Variants in CEL observed in about 807,000 individuals in gnomAD.
CEL encodes carboxyl ester lipase.
In CEL, 39 loss-of-function variants were observed where a neutral mutation model predicts 57.1. That is an observed-to-expected ratio of 0.68 (90% CI 0.53 to 0.89). The LOEUF (loss-of-function observed/expected upper bound fraction) is 0.89. Among genes scored for constraint, CEL ranks in the 40% least tolerant of loss-of-function variants. The pLI is 0.00. For synonymous variants in CEL, 314 were observed against 396.6 expected (o/e 0.79, Z 2.48); for missense variants, 698 against 915.0 (o/e 0.76, Z 3.06).
rs952203449 is a variant in CEL, at chr9:133,066,114, C to T, written c.539-416C>T. Among the ~76,000 whole-genome samples, 4 of 152,146 alleles carry T rather than the reference C, an allele frequency of 2.6e-5. No individual in the cohort carries two copies. Among genetic ancestry groups the T allele is most frequent in the Non-Finnish European group, 5.9e-5 (4 of 68,034 alleles). The stretch of plus-strand genomic sequence containing the variant: ...GCTGAGTGAGAGACAGAGAACAATA[C>T]CTTGAGGCAGAGACAGCTGTGGACA... On this transcript the variant is annotated intron_variant, in intron 4 of 10. Coordinates refer to ENST00000372080, the MANE Select transcript of CEL (RefSeq NM_001807.6). This position sits in a 1 kb window ranked among gnomAD's most constrained non-coding sequence, Gnocchi z 4.3.
chr9:133,071,780 G>A lies in CEL; in HGVS notation c.*16G>A. ...TAGGTTTTAGCGTCCCATGAGCCTT[G>A]GTATCAAGAGGCCACAAGAGTGGGA... On this transcript the variant is annotated 3_prime_UTR_variant, in exon 11 of 11. Transcript: ENST00000372080. 5 of 1,610,328 alleles carry A rather than the reference G, an allele frequency of 3.1e-6. No individual in the cohort carries two copies. Among genetic ancestry groups the A allele is most frequent in the Non-Finnish European group, 4.2e-6 (5 of 1,177,868 alleles).
chr9:133,070,601 A>C lies in CEL; in HGVS notation c.1427A>C (p.Gln476Pro), dbSNP rs201074543. The C allele has an allele frequency of 8.1e-6, 13 of 1,606,706 alleles. No homozygotes were observed. The East Asian group carries it at 1.8e-4, about 22-fold the overall frequency. Reference protein sequence around the residue: ...PFATPTGYRPQDRTVSKAMIA... With the variant: ...PFATPTGYRPPDRTVSKAMIA... The stretch of plus-strand genomic sequence containing the variant: ...GCCACCCCCACGGGCTACCGGCCCC[A>C]AGACAGGACAGTCTCTAAGGCCATG... The change falls in exon 10 of 11, where the codon CAA becomes CCA. Residue 476 changes from glutamine to proline, a missense_variant. Gln to Pro is a moderately conservative substitution (Grantham distance 76, BLOSUM62 -1). Around this residue, in one of 6 missense-constraint regions of CEL, gnomAD observed 111 missense variants for 147.3 expected, o/e 0.75. Coordinates refer to ENST00000372080, the MANE Select transcript of CEL (RefSeq NM_001807.6).
chr9:133,066,663 C>T lies in CEL; in HGVS notation c.669+3C>T, dbSNP rs755657556. 3 of 1,612,846 alleles carry T rather than the reference C, an allele frequency of 1.9e-6. No homozygotes were observed. Among genetic ancestry groups the T allele is most frequent in the Admixed American group, 3.3e-5 (2 of 60,004 alleles). On this transcript the variant is annotated splice_donor_region_variant and intron_variant, in intron 5 of 10. Coordinates refer to ENST00000372080, the MANE Select transcript of CEL (RefSeq NM_001807.6). The surrounding 1 kb of genome is among the most constrained non-coding windows in gnomAD (Gnocchi z 4.3). Reference sequence around the variant, plus strand: ...GAGGTGCCAGCGTCTCTCTGCAGGTCTCGGGATCCCTGTGGGGAGGGCCTG... The same window carrying T: ...GAGGTGCCAGCGTCTCTCTGCAGGTTTCGGGATCCCTGTGGGGAGGGCCTG...
In CEL at chr9:133,064,447, A is replaced by G. The variant is rs755568297; in HGVS notation, c.110A>G (p.Asn37Ser). Residue 37 changes from asparagine (N) to serine (S), a missense_variant, in exon 2 of 11, where the codon AAT becomes AGT. By Grantham distance (46) the Asn-to-Ser change is conservative. This residue lies in a region of CEL where 327 missense variants were observed against 374.1 expected (regional missense o/e 0.87). Transcript: ENST00000372080. ...YTEGGFVEGVNKKLGLLGDSV... is the reference protein window; with the variant it reads ...YTEGGFVEGVSKKLGLLGDSV... ...GAAGGTGGGTTCGTGGAAGGCGTCA[A>G]TAAGAAGCTCGGCCTCCTGGGTGAC... 15 of 1,614,036 alleles carry G rather than the reference A, an allele frequency of 9.3e-6. No individual in the cohort carries two copies. Among genetic ancestry groups the G allele is most frequent in the African/African-American group, 1.3e-5 (1 of 74,912 alleles).
chr9:133,064,878 G>C, intron 3 of CEL, 116 bp downstream of exon 3: 2 of 1,564,428 alleles, frequency 1.3e-6, no homozygotes, highest in Non-Finnish European at 1.7e-6. Context: ...CCACAGAGGC[G>C]GGGAGGGGAG....
intron 9 of CEL, among the ~76,000 whole-genome samples, chr9:133,070,082 G>A (rs1470220838): frequency 6.6e-6 from 1 of 151,608 alleles, no homozygotes; most frequent in Non-Finnish European, 1.5e-5. Flanking sequence ...CAGCAACTAA[G>A]CAGTACATTT....
rs749571469 is a variant in CEL at position 133,067,212 on chromosome 9, A to G, written c.895+7A>G. ...CCGCTGGCAGGCCTGGAGTGTGAGT[A>G]GCTGCTCGGGTTGGCCCATGGGGTC... On this transcript the variant is annotated splice_region_variant and intron_variant, in intron 7 of 10. Transcript: ENST00000372080. 3.7e-6 allele frequency: 6 copies of G among 1,612,818 alleles called. No homozygotes were observed. The highest frequency in any genetic ancestry group is 4.2e-6 in the Non-Finnish European group (5 of 1,179,366).
At position 133,066,617 on chromosome 9, in the gene CEL, C is replaced by G; in HGVS notation, c.626C>G (p.Thr209Arg). The change falls in exon 5 of 11, where the codon ACG becomes AGG. Residue 209 changes from threonine (T) to arginine (R), a missense_variant. By Grantham distance (71) the Thr-to-Arg change is moderately conservative. Transcript: ENST00000372080. This position sits in a 1 kb window ranked among gnomAD's most constrained non-coding sequence, Gnocchi z 4.3. ...TTCGGGGGGGACCCCAACAACATCA[C>G]GCTCTTCGGGGAGTCTGCTGGAGGT... is the stretch of plus-strand genomic sequence containing the variant. ...AAFGGDPNNITLFGESAGGAS... is the reference protein window; with the variant it reads ...AAFGGDPNNIRLFGESAGGAS... The G allele has an allele frequency of 6.2e-7, 1 of 1,613,838 alleles. No individual in the cohort carries two copies. Among genetic ancestry groups the G allele is most frequent in the Non-Finnish European group, 8.5e-7 (1 of 1,180,018 alleles).
At position 133,067,279 on chromosome 9, in the gene CEL, G is replaced by A. The variant is rs1463707286; in HGVS notation, c.895+74G>A. 7.4e-5 allele frequency: 98 copies of A among 1,318,478 alleles called. No individual in the cohort carries two copies. In the South Asian group the frequency reaches 1.1e-3, roughly 15 times the overall value. 81.7% of individuals were successfully genotyped at this position (1,318,478 alleles called of 1,614,324 possible). A position where few individuals can be genotyped will look rare whatever the true frequency, so the allele number is the denominator to read the frequency against. On this transcript the variant is annotated intron_variant, in intron 7 of 10. Coordinates refer to ENST00000372080, the MANE Select transcript of CEL (RefSeq NM_001807.6). ...GGGGGGTACTGCCAGGGAGTACTCC[G>A]GAGGAGAGAGGAAGGTGCCAGAGCT...
At position 133,070,548 on chromosome 9, in the gene CEL, C is replaced by T. The variant is rs143261482; in HGVS notation, c.1374C>T (p.Asp458=). ...PKWVGADHAD[D]IQYVFGKPFA... ...GGGTGGGGGCCGACCATGCAGATGACATTCAGTACGTTTTCGGGAAGCCCT... is the reference window on the plus strand; with the variant it reads ...GGGTGGGGGCCGACCATGCAGATGATATTCAGTACGTTTTCGGGAAGCCCT... Residue 458 remains aspartate (D), a synonymous_variant, in exon 10 of 11, where the codon GAC becomes GAT. Coordinates refer to ENST00000372080, the MANE Select transcript of CEL (RefSeq NM_001807.6). The T allele has an allele frequency of 1.2e-6, 2 of 1,614,030 alleles. No homozygotes were observed. The highest frequency in any genetic ancestry group is 2.7e-5 in the African/African-American group (2 of 74,972).
chr9:133,064,925 G>A lies in CEL; in HGVS notation c.341-115G>A, dbSNP rs1196829552. 84 of 1,535,456 alleles carry A rather than the reference G, an allele frequency of 5.5e-5. No individual in the cohort carries two copies. The Middle Eastern group carries it at 6.5e-4, about 12-fold the overall frequency. ...GTTGCCCAGCCTGGGGCAGGGCAGC[G>A]CCTTGGAGCACCTCCCTGTCTTGGC... On this transcript the variant is annotated intron_variant, in intron 3 of 10. Coordinates refer to ENST00000372080, the MANE Select transcript of CEL (RefSeq NM_001807.6).
In CEL at chr9:133,064,711, G is replaced by A. The variant is rs1197239252; in HGVS notation, c.289G>A (p.Asp97Asn). Residue 97 changes from aspartate to asparagine, a missense_variant, in exon 3 of 11, where the codon GAT (aspartate) becomes AAT (asparagine). Coordinates refer to ENST00000372080, the MANE Select transcript of CEL (RefSeq NM_001807.6). Reference sequence around the variant, plus strand: ...CATCACCCAGGACAGCACCTACGGGGATGAAGACTGCCTGTACCTCAACAT... The same window carrying A: ...CATCACCCAGGACAGCACCTACGGGAATGAAGACTGCCTGTACCTCAACAT... The part of the protein sequence containing the change: ...ATITQDSTYG[D>N]EDCLYLNIWV... 6.2e-7 allele frequency: 1 copy of A among 1,614,144 alleles called. No individual in the cohort carries two copies. The highest frequency in any genetic ancestry group is 1.7e-5 in the Admixed American group (1 of 60,032).
intron 1 of CEL, among the ~76,000 whole-genome samples, chr9:133,063,957 C>T (rs1016117031): frequency 2.3e-4 from 35 of 152,280 alleles, no homozygotes; most frequent in African/African-American, 8.4e-4. Context: ...TGGTGTGAAA[C>T]ATCCCGGGTA....
intron 1 of CEL, among the ~76,000 whole-genome samples, chr9:133,063,727 G>A (rs555381754): frequency 6.2e-4 from 94 of 152,322 alleles, no homozygotes; most frequent in South Asian, 1.2e-3. Flanking sequence ...GGCCCCTCGT[G>A]GGGGTGGACA....
rs375187245 is a variant in CEL, at chr9:133,064,442, C to T, written c.105C>T (p.Gly35=). 5.7e-5 allele frequency: 92 copies of T among 1,614,008 alleles called. No homozygotes were observed. The highest frequency in any genetic ancestry group is 9.3e-5 in the African/African-American group (7 of 74,922). ...ACACAGAAGGTGGGTTCGTGGAAGG[C>T]GTCAATAAGAAGCTCGGCCTCCTGG... ...AVYTEGGFVE[G]VNKKLGLLGD... is the part of the protein sequence containing the mutation. Residue 35 remains glycine, a synonymous_variant, in exon 2 of 11, where the codon GGC becomes GGT. Transcript: ENST00000372080.
chr9:133,063,680 C>T (rs1481854643), intron 1 of CEL, among the ~76,000 whole-genome samples: 1 of 152,220 alleles, frequency 6.6e-6, no homozygotes, highest in Non-Finnish European at 1.5e-5. Flanking sequence ...AGCCTCAGTT[C>T]CGTCAGGGAC....
At position 133,066,378 on chromosome 9, in the gene CEL, G is replaced by A. The variant is rs1830178565; in HGVS notation, c.539-152G>A. 2 of 902,828 alleles carry A rather than the reference G, an allele frequency of 2.2e-6. No individual in the cohort carries two copies. The highest frequency in any genetic ancestry group is 3.3e-4 in the Middle Eastern group (1 of 3,012). 55.9% of individuals were successfully genotyped at this position (902,828 alleles called of 1,614,324 possible). On this transcript the variant is annotated intron_variant, in intron 4 of 10. Coordinates refer to ENST00000372080, the MANE Select transcript of CEL (RefSeq NM_001807.6). The surrounding 1 kb of genome is among the most constrained non-coding windows in gnomAD (Gnocchi z 4.3). ...CCCCTCCAGCACCCTACCCGACCCA[G>A]CTTCTTAGGGACCCACCATTTGCCA...
chr9:133,071,644 GCCGCCC>G lies in CEL; in HGVS notation c.2143_2148del (p.Pro715_Pro716del), dbSNP rs751800640. On this transcript the variant is annotated inframe_deletion, in exon 11 of 11. Coordinates refer to ENST00000372080, the MANE Select transcript of CEL (RefSeq NM_001807.6). ...CGGGTGACTCCGAGACCGCCCCCGT[GCCGCCC>G]ACGGGTGACTCCGGGGCCCCCCCTG... The G allele has an allele frequency of 2.4e-5, 37 of 1,527,758 alleles. No individual in the cohort carries two copies. Among genetic ancestry groups the G allele is most frequent in the East Asian group, 2.3e-4 (10 of 43,344 alleles). The allele number at this position is 1,527,758 out of a possible 1,614,324, so 94.6% of individuals were successfully genotyped here.
At position 133,071,601 on chromosome 9, in the gene CEL, C is replaced by T. The variant is rs1159246402; in HGVS notation, c.2099C>T (p.Ala700Val). 3.0e-6 allele frequency: 4 copies of T among 1,316,712 alleles called. No individual in the cohort carries two copies. In the East Asian group the frequency reaches 8.1e-5, roughly 27 times the overall value. The allele number at this position is 1,316,712 out of a possible 1,614,324, so 81.6% of individuals were successfully genotyped here. A position where few individuals can be genotyped will look rare whatever the true frequency, so the allele number is the denominator to read the frequency against. ...GTGCCGCCCACGGGTGACTCCGGGG[C>T]CCCCCCCGTGACCCCCACGGGTGAC... The part of the protein sequence containing the change: ...PPVPPTGDSG[A>V]PPVTPTGDSE... Residue 700 changes from alanine (A) to valine (V), a missense_variant, in exon 11 of 11, where the codon GCC (alanine) becomes GTC (valine). Physicochemically the swap from Ala to Val is moderately conservative, Grantham distance 64. Around this residue, in one of 6 missense-constraint regions of CEL, gnomAD observed 238 missense variants for 213.7 expected, o/e 1.11. Transcript: ENST00000372080.
Sources: allele counts gnomAD v4.1 joint callset (sites outside exome capture counted in the v4.1 genomes callset), GRCh38; gene constraint gnomAD v4.1.1; regional missense constraint gnomAD v4.1.1; non-coding constraint Gnocchi (gnomAD v3.1); transcripts MANE v1.5; gene names NCBI Gene and HGNC (gene_info 2026-07-23, HGNC 2026-07-21).